Variants in MSI2 observed in about 807,000 individuals in gnomAD.
MSI2 encodes the protein RNA-binding protein Musashi homolog 2.
Under a neutral mutation model 45.6 loss-of-function variants are expected in MSI2, and 17 were observed. The ratio of observed to expected loss-of-function variants is 0.37; its 90% CI spans 0.26 to 0.56. MSI2 has a LOEUF of 0.56. Among genes scored for constraint, MSI2 ranks in the 20% least tolerant of loss-of-function variants. MSI2 has a pLI of 0.77. For synonymous variants in MSI2, 156 were observed against 158.2 expected, an observed-to-expected ratio of 0.99 and a Z score of 0.11; for missense variants, 293 against 444.2, an observed-to-expected ratio of 0.66 and a Z score of 3.06.
intron 5 of MSI2, among the ~76,000 whole-genome samples, chr17:57,297,089 G>A (rs1018238798): frequency 5.3e-5 from 8 of 151,856 alleles, no homozygotes; most frequent in African/African-American, 1.9e-4. Flanking sequence ...TGGCCAGGCT[G>A]GTCTTGAACT....
intron 7 of MSI2, among the ~76,000 whole-genome samples, chr17:57,539,079 A>G (rs1183535755): frequency 6.6e-6 from 1 of 152,236 alleles, no homozygotes; most frequent in South Asian, 2.1e-4. Flanking sequence ...AAAAACATAC[A>G]TACATAAAAA....
chr17:57,306,040 C>T (rs1431511697), intron 5 of MSI2, among the ~76,000 whole-genome samples: 1 of 152,068 alleles, frequency 6.6e-6, no homozygotes, highest in Non-Finnish European at 1.5e-5. Context: ...GTGAATAAAA[C>T]TGACAAGGAT....
intron 6 of MSI2, among the ~76,000 whole-genome samples, chr17:57,436,788 T>C (rs991971608): frequency 1.3e-5 from 2 of 152,176 alleles, no homozygotes; most frequent in African/African-American, 4.8e-5. Context: ...TTGGAGGGAC[T>C]GAGGAGAGCA....
intron 7 of MSI2, among the ~76,000 whole-genome samples, chr17:57,537,332 C>T (rs2086942292): frequency 6.6e-6 from 1 of 152,138 alleles, no homozygotes; most frequent in African/African-American, 2.4e-5. Context: ...TATCCCCAGG[C>T]CCTGTAACCT....
At chr17:57,272,103 G>A (rs1421901018) in intron 5 of MSI2, among the ~76,000 whole-genome samples, 1 of 152,216 alleles carries the variant, frequency 6.6e-6, no homozygotes, top group Non-Finnish European at 1.5e-5. Context: ...TCTCAGCTGA[G>A]TGTTTCCTTC....
chr17:57,674,900 C>T (rs1913105277), intron 11 of MSI2, 72 bp from the exon 12 acceptor site: 1 of 1,590,320 alleles, frequency 6.3e-7, no homozygotes, highest in Admixed American at 1.7e-5. Flanking sequence ...ATACCCAGCT[C>T]TATTCTCTGC....
chr17:57,402,233 T>C (rs2084006255), intron 6 of MSI2, among the ~76,000 whole-genome samples: 1 of 152,204 alleles, frequency 6.6e-6, no homozygotes, highest in South Asian at 2.1e-4. Flanking sequence ...ATTCCTCAGA[T>C]GGCCCTGTTG....
chr17:57,259,540 G>T (rs77456737), intron 4 of MSI2, among the ~76,000 whole-genome samples: 2,334 of 152,272 alleles, frequency 0.015, 41 homozygotes, highest in Middle Eastern at 0.034. Flanking sequence ...TGATCAAAGA[G>T]ATCAGGAATG....
At chr17:57,394,279 C>A (rs916003208) in intron 5 of MSI2, among the ~76,000 whole-genome samples, 1 of 152,276 alleles carries the variant, frequency 6.6e-6, no homozygotes, top group Non-Finnish European at 1.5e-5. Flanking sequence ...CAAGATTTGG[C>A]TTCTCCATTT....
chr17:57,390,888 G>A (rs2083778032), intron 5 of MSI2, among the ~76,000 whole-genome samples: 1 of 152,134 alleles, frequency 6.6e-6, no homozygotes, highest in African/African-American at 2.4e-5. Flanking sequence ...CTTCTAACAT[G>A]GTTTCTCAGC....
At chr17:57,376,679 G>C (rs992148507) in intron 5 of MSI2, among the ~76,000 whole-genome samples, 4 of 152,190 alleles carry the variant, frequency 2.6e-5, no homozygotes, top group African/African-American at 9.7e-5. Context: ...AGAGTTTTCT[G>C]TTTATGAGCA....
intron 5 of MSI2, among the ~76,000 whole-genome samples, chr17:57,390,578 T>C (rs1348088482): frequency 6.6e-6 from 1 of 152,226 alleles, no homozygotes; most frequent in Non-Finnish European, 1.5e-5. Context: ...AATATGGTAA[T>C]GAAGGTAATC....
intron 4 of MSI2, chr17:57,260,067 C>T (rs769334423): frequency 6.6e-6 from 1 of 152,186 alleles, no homozygotes; most frequent in Non-Finnish European, 1.5e-5. Flanking sequence ...AACGGCCATT[C>T]ACATCCAAAA....
intron 5 of MSI2, among the ~76,000 whole-genome samples, chr17:57,334,671 G>C (rs2143750961): frequency 6.6e-6 from 1 of 152,206 alleles, no homozygotes; most frequent in Middle Eastern, 3.4e-3. Context: ...GTGGATGCCT[G>C]TGATCCCAGG....
In MSI2 at chr17:57,257,543, T is replaced by A; in HGVS notation, c.181T>A (p.Ser61Thr). The A allele has an allele frequency of 6.3e-7, 1 of 1,594,288 alleles. No homozygotes were observed. The highest frequency in any genetic ancestry group is 1.7e-5 in the Admixed American group (1 of 59,642). The change falls in exon 3 of 14, where the codon TCC becomes ACC. Residue 61 changes from serine to threonine, a missense_variant. Coordinates refer to ENST00000284073, the MANE Select transcript of MSI2 (RefSeq NM_138962.4). ...CATGAGAGATCCCACTACGAAACGC[T>A]CCAGGTAAACCATTCCCTTCTGGAT... is the stretch of plus-strand genomic sequence containing the variant. The part of the protein sequence containing the change: ...MVMRDPTTKR[S>T]RGFGFVTFAD...
intron 10 of MSI2, among the ~76,000 whole-genome samples, chr17:57,647,274 C>CAAAAA (rs33915774): frequency 1.3e-4 from 5 of 37,680 alleles, no homozygotes; most frequent in Non-Finnish European, 1.6e-4. Context: ...ACTAAAAATA[C>CAAAAA]AAAAAAAAAA....
intron 7 of MSI2, among the ~76,000 whole-genome samples, chr17:57,531,419 G>A (rs1048503450): frequency 6.6e-6 from 1 of 152,186 alleles, no homozygotes; most frequent in African/African-American, 2.4e-5. Flanking sequence ...AAATAACCAA[G>A]GCTCAGAGGA....
intron 6 of MSI2, among the ~76,000 whole-genome samples, chr17:57,511,551 G>A (rs1439199687): frequency 6.6e-6 from 1 of 152,160 alleles, no homozygotes; most frequent in Non-Finnish European, 1.5e-5. Context: ...CTGGAGCGGG[G>A]TGTTGCCCTG....
chr17:57,284,596 ACT>A (rs1909708061), intron 5 of MSI2, among the ~76,000 whole-genome samples: 1 of 152,198 alleles, frequency 6.6e-6, no homozygotes, highest in Non-Finnish European at 1.5e-5. Flanking sequence ...CACGTAAAAC[ACT>A]CTGACCCCAA....
Sources: gnomAD v4.1 joint callset for allele counts (sites outside exome capture counted in the v4.1 genomes callset) on GRCh38, gnomAD v4.1.1 for gene constraint, MANE v1.5 for transcripts, NCBI Gene and HGNC (gene_info 2026-07-23, HGNC 2026-07-21) for gene names.